The following BBOX1 variants were observed in gnomAD, a reference collection of about 807,000 sequenced individuals.
BBOX1 encodes gamma-butyrobetaine dioxygenase.
In BBOX1, 35 loss-of-function variants were observed where a neutral mutation model predicts 41.6. The ratio of observed to expected loss-of-function variants is 0.84; its 90% CI spans 0.64 to 1.11. The LOEUF (loss-of-function observed/expected upper bound fraction) is 1.11, where lower values mean the gene tolerates loss of function less well. BBOX1 is among the 50% of genes most tolerant of loss of function. The pLI, the probability that BBOX1 is intolerant of heterozygous loss-of-function variation, is 0.00. For missense variants in BBOX1, 458 were observed against 460.6 expected (o/e 0.99, Z 0.05); for synonymous variants, 163 against 154.7 (o/e 1.05, Z -0.40).
chr11:27,056,567 A>G (rs1856987378), intron 3 of BBOX1, among the ~76,000 whole-genome samples: 1 of 151,984 alleles, frequency 6.6e-6, no homozygotes, highest in Non-Finnish European at 1.5e-5. Flanking sequence ...CACCATTACT[A>G]TTTCTAATAC....
intron 4 of BBOX1, among the ~76,000 whole-genome samples, chr11:27,082,870 C>T (rs984155329): frequency 3.3e-5 from 5 of 152,004 alleles, no homozygotes; most frequent in African/African-American, 1.2e-4. Flanking sequence ...CAGTCATAAG[C>T]GTGAGTATAC....
chr11:27,085,580 T>G (rs1858011838), intron 4 of BBOX1, among the ~76,000 whole-genome samples: 1 of 151,796 alleles, frequency 6.6e-6, no homozygotes, highest in Admixed American at 6.6e-5. Context: ...TCTCTCTCTC[T>G]CTCTCTCTCT....
At chr11:27,117,171 G>T (rs562324539) in intron 6 of BBOX1, among the ~76,000 whole-genome samples, 1 of 152,006 alleles carries the variant, frequency 6.6e-6, no homozygotes, top group East Asian at 1.9e-4. Flanking sequence ...TAACCACATA[G>T]AAACCTATAT....
At chr11:27,050,577 T>C in intron 2 of BBOX1, among the ~76,000 whole-genome samples, 1 of 152,172 alleles carries the variant, frequency 6.6e-6, no homozygotes, top group Admixed American at 6.5e-5. Context: ...CTTGGTTAAA[T>C]GTAATTCTAA....
intron 6 of BBOX1, among the ~76,000 whole-genome samples, chr11:27,118,766 C>T (rs1859353598): frequency 6.6e-6 from 1 of 151,854 alleles, no homozygotes; most frequent in African/African-American, 2.4e-5. Flanking sequence ...GGGGCCTTGA[C>T]ATATGTAAAT....
chr11:27,112,684 AC>A (rs1389140759), intron 5 of BBOX1, among the ~76,000 whole-genome samples: 1 of 151,956 alleles, frequency 6.6e-6, no homozygotes, highest in Admixed American at 6.6e-5. Context: ...TAAACGTAAA[AC>A]CTAAAACTAT....
At chr11:27,098,727 AC>A (rs1858536999) in intron 5 of BBOX1, among the ~76,000 whole-genome samples, 1 of 152,096 alleles carries the variant, frequency 6.6e-6, no homozygotes, top group Non-Finnish European at 1.5e-5. Flanking sequence ...ATTATTATTT[AC>A]ATAAGCTGAT....
At chr11:27,064,143 G>A (rs1355610423) in intron 4 of BBOX1, among the ~76,000 whole-genome samples, 3 of 151,986 alleles carry the variant, frequency 2.0e-5, no homozygotes, top group Non-Finnish European at 4.4e-5. Context: ...GATGGGGTAA[G>A]TGTATTGTTT....
chr11:27,054,578 A>G (rs1332458097), intron 2 of BBOX1, among the ~76,000 whole-genome samples: 1 of 152,152 alleles, frequency 6.6e-6, no homozygotes, highest in African/African-American at 2.4e-5. Context: ...CCTCTCCTGT[A>G]AATAGTCCAT....
At chr11:27,067,392 G>T (rs190097272) in intron 4 of BBOX1, among the ~76,000 whole-genome samples, 11 of 151,870 alleles carry the variant, frequency 7.2e-5, no homozygotes, top group Non-Finnish European at 1.5e-4. Context: ...CCACTTCTGA[G>T]TCTCCAAAGT....
At position 27,116,993 on chromosome 11, in the gene BBOX1, C is replaced by T. The variant is rs369749155; in HGVS notation, c.639+1436C>T. Among the ~76,000 whole-genome samples, 6 of 152,008 alleles carry T rather than the reference C, an allele frequency of 3.9e-5. No homozygotes were observed. In the East Asian group the frequency reaches 7.7e-4, roughly 20 times the overall value. ...TGAAGCCACAAATCCCCAGGAGAAT[C>T]TCTGGGTGGACATTCTTTCTCTACA... On this transcript the variant is annotated intron_variant, in intron 6 of 8. Coordinates refer to ENST00000263182, the MANE Select transcript of BBOX1 (RefSeq NM_003986.3).
chr11:27,050,054 A>G (rs977840074), intron 2 of BBOX1, among the ~76,000 whole-genome samples: 4 of 152,040 alleles, frequency 2.6e-5, no homozygotes, highest in African/African-American at 9.7e-5. Flanking sequence ...TGAGGGTCCA[A>G]TTTTATACTT....
rs546064175 is a variant in BBOX1 at position 27,103,309 on chromosome 11, TA to T, written c.533+9944del. Among the ~76,000 whole-genome samples the T allele has an allele frequency of 5.9e-3, 903 of 152,328 alleles. 5 individuals are homozygous for T. Among genetic ancestry groups the T allele is most frequent in the Non-Finnish European group, 7.9e-3 (539 of 68,026 alleles). ...TCTGGGACAGATTTTTCTGGGAGGA[TA>T]TGATTTGTTTTAGGGAACAGCTTTA... On this transcript the variant is annotated intron_variant, in intron 5 of 8. Coordinates refer to ENST00000263182, the MANE Select transcript of BBOX1 (RefSeq NM_003986.3).
chr11:27,120,916 C>A (rs1052584250), intron 7 of BBOX1, among the ~76,000 whole-genome samples: 3 of 152,024 alleles, frequency 2.0e-5, no homozygotes, highest in African/African-American at 7.2e-5. Context: ...AAAGATCTCT[C>A]CCCTCATATA....
At chr11:27,119,250 C>G (rs928293324) in intron 6 of BBOX1, among the ~76,000 whole-genome samples, 3 of 151,962 alleles carry the variant, frequency 2.0e-5, no homozygotes, top group Non-Finnish European at 4.4e-5. Context: ...CTCATCCATT[C>G]CCCTTTGCCT....
At chr11:27,072,851 GA>G (rs1857500575) in intron 4 of BBOX1, among the ~76,000 whole-genome samples, 2 of 152,168 alleles carry the variant, frequency 1.3e-5, no homozygotes, top group African/African-American at 4.8e-5. Context: ...ATGGTGCTGG[GA>G]AAACTGGCTA....
chr11:27,111,447 G>A (rs531295005), intron 5 of BBOX1, among the ~76,000 whole-genome samples: 112 of 152,050 alleles, frequency 7.4e-4, no homozygotes, highest in African/African-American at 2.6e-3. Flanking sequence ...TCAGGATCAT[G>A]CAATATATCC....
At chr11:27,112,530 A>G (rs900532417) in intron 5 of BBOX1, among the ~76,000 whole-genome samples, 2 of 151,982 alleles carry the variant, frequency 1.3e-5, no homozygotes, top group African/African-American at 4.8e-5. Flanking sequence ...ATTTTCAACA[A>G]AGTGGACAAA....
At chr11:27,073,698 G>A (rs1437464661) in intron 4 of BBOX1, among the ~76,000 whole-genome samples, 3 of 152,128 alleles carry the variant, frequency 2.0e-5, no homozygotes, top group East Asian at 1.9e-4. Context: ...TTAAGAAAAT[G>A]TGGCACATAT....
Sources: allele counts gnomAD v4.1 joint callset (sites outside exome capture counted in the v4.1 genomes callset), GRCh38; gene constraint gnomAD v4.1.1; transcripts MANE v1.5; gene names NCBI Gene and HGNC (gene_info 2026-07-23, HGNC 2026-07-21).